The following CASKIN1 variants were observed in gnomAD, a reference collection of about 807,000 sequenced individuals.
CASKIN1 encodes the protein caskin-1.
CASKIN1 carries 42 observed loss-of-function variants against 117.5 expected under a neutral mutation model. The ratio of observed to expected loss-of-function variants is 0.36; its 90% CI spans 0.28 to 0.46. CASKIN1 has a LOEUF of 0.46. CASKIN1 is among the 20% of genes least tolerant of loss of function. The probability of loss-of-function intolerance (pLI) is 1.00; values close to 1 mark genes in which losing one functional copy is unlikely to be tolerated. For synonymous variants in CASKIN1, 1,148 were observed against 961.7 expected, an observed-to-expected ratio of 1.19 and a Z score of -3.59; for missense variants, 2,083 against 2,077.3, an observed-to-expected ratio of 1.00 and a Z score of -0.05.
intron 9 of CASKIN1, 45 bp from the exon 10 acceptor site, chr16:2,186,869 C>T (rs1288290566): frequency 6.2e-7 from 1 of 1,606,968 alleles, no homozygotes. Context: ...CCCCCTTTCG[C>T]AGAGTCTCCT....
intron 1 of CASKIN1, among the ~76,000 whole-genome samples, chr16:2,191,039 C>T (rs775229787): frequency 7.9e-5 from 12 of 152,212 alleles, no homozygotes; most frequent in South Asian, 4.1e-4. Flanking sequence ...TGGGGCCCCC[C>T]GCATCCTGGC....
chr16:2,186,933 GTGCCGCCC>G (rs1194136371), intron 9 of CASKIN1, 37 bp downstream of exon 9: 2 of 1,607,208 alleles, frequency 1.2e-6, no homozygotes, highest in South Asian at 2.2e-5. Flanking sequence ...GCACGCCCAG[GTGCCGCCC>G]CCTCCCTGCT....
intron 6 of CASKIN1, among the ~76,000 whole-genome samples, chr16:2,187,809 C>T (rs1319296652): frequency 2.0e-5 from 3 of 151,666 alleles, no homozygotes; most frequent in Admixed American, 6.6e-5. Flanking sequence ...TTAGTAGAGA[C>T]GGGGTTTCAC....
At chr16:2,186,607 A>G in intron 10 of CASKIN1, 100 bp downstream of exon 10, 2 of 1,044,500 alleles carry the variant, frequency 1.9e-6, no homozygotes, top group East Asian at 2.4e-5. Context: ...GCACCCAGAA[A>G]CCCAGCCCTG....
intron 10 of CASKIN1, 145 bp downstream of exon 10, chr16:2,186,562 G>T (rs2093185307): frequency 3.1e-6 from 2 of 655,662 alleles, no homozygotes; most frequent in Non-Finnish European, 5.3e-6. Context: ...ACGGCCGCTG[G>T]GGCACCCTGA....
chr16:2,196,476 G>A lies in CASKIN1; in HGVS notation c.-44C>T. 1 of 1,028,152 alleles carries A rather than the reference G, an allele frequency of 9.7e-7. No homozygotes were observed. The highest frequency in any genetic ancestry group is 1.2e-6 in the Non-Finnish European group (1 of 845,388). 63.7% of individuals were successfully genotyped at this position (1,028,152 alleles called of 1,614,324 possible). ...GCGACGCGGCTGCGCTCGTGAGCTC[G>A]GCGCGGCTCAGAGGCGGCGGCGGCC... On this transcript the variant is annotated 5_prime_UTR_variant, in exon 1 of 20. Coordinates refer to ENST00000343516, the MANE Select transcript of CASKIN1 (RefSeq NM_020764.4). This position sits in a 1 kb window ranked among gnomAD's most constrained non-coding sequence, Gnocchi z 5.7.
rs778190537 is a variant in CASKIN1, at chr16:2,184,844, A to G, written c.1349T>C (p.Val450Ala). The G allele has an allele frequency of 1.9e-6, 3 of 1,561,752 alleles. No homozygotes were observed. The highest frequency in any genetic ancestry group is 2.3e-5 in the South Asian group (2 of 85,192). ...CCCATAGACCTGCCCGGCGTGGGCCACTGGAGGCTGGGACCGGGCCACACC... is the reference window on the plus strand; with the variant it reads ...CCCATAGACCTGCCCGGCGTGGGCCGCTGGAGGCTGGGACCGGGCCACACC... ...SAGVARSQPP[V>A]AHAGQVYGEQ... The change falls in exon 14 of 20, where the codon GTG (valine) becomes GCG (alanine). Residue 450 changes from valine (V) to alanine (A), a missense_variant. Physicochemically the swap from Val to Ala is moderately conservative, Grantham distance 64. Around this residue, in one of 3 missense-constraint regions of CASKIN1, gnomAD observed 1,818 missense variants for 1,688.9 expected, o/e 1.08. Transcript: ENST00000343516.
chr16:2,178,496 G>C lies in CASKIN1; in HGVS notation c.*54C>G. On this transcript the variant is annotated 3_prime_UTR_variant, in exon 20 of 20. Coordinates refer to ENST00000343516, the MANE Select transcript of CASKIN1 (RefSeq NM_020764.4). The stretch of plus-strand genomic sequence containing the variant: ...CCAGACGCGCCCATCCTGAGGTATA[G>C]GTCAGTGTGCGGGGAGGGCCCGGGC... 1 of 1,419,086 alleles carries C rather than the reference G, an allele frequency of 7.0e-7. No individual in the cohort carries two copies. The highest frequency in any genetic ancestry group is 9.5e-7 in the Non-Finnish European group (1 of 1,056,708). 87.9% of individuals were successfully genotyped at this position (1,419,086 alleles called of 1,614,324 possible). A position where few individuals can be genotyped will look rare whatever the true frequency, so the allele number is the denominator to read the frequency against.
At chr16:2,181,674 G>C in intron 17 of CASKIN1, 75 bp from the exon 18 acceptor site, 1 of 1,465,380 alleles carries the variant, frequency 6.8e-7, no homozygotes, top group South Asian at 1.3e-5. Context: ...GGCGGGGCTG[G>C]GCTGGGCTTG....
At position 2,178,139 on chromosome 16, in the gene CASKIN1, G is replaced by A. The variant is rs1489520938; in HGVS notation, c.*411C>T. On this transcript the variant is annotated 3_prime_UTR_variant, in exon 20 of 20. Transcript: ENST00000343516. The stretch of plus-strand genomic sequence containing the variant: ...TACTCTTGATAGCTTATATTCTGGG[G>A]GTGCGGTGGGGCAGGGGGGCCCTGA... 4.0e-6 allele frequency: 2 copies of A among 497,534 alleles called. No homozygotes were observed. The allele number at this position is 497,534 out of a possible 1,614,324, so 30.8% of individuals were successfully genotyped here.
At chr16:2,181,720 G>T in intron 17 of CASKIN1, 71 bp downstream of exon 17, 2 of 1,546,422 alleles carry the variant, frequency 1.3e-6, no homozygotes, top group Non-Finnish European at 1.7e-6. Context: ...GCTGGGGCTG[G>T]GCTGGTGGCT....
chr16:2,188,022 T>TACAG (rs1484028169), intron 6 of CASKIN1, among the ~76,000 whole-genome samples: 1 of 150,166 alleles, frequency 6.7e-6, no homozygotes, highest in Non-Finnish European at 1.5e-5. Flanking sequence ...TAGCTGGGAT[T>TACAG]ACAGACATGT....
rs759641819 is a variant in CASKIN1, at chr16:2,181,475, G to A, written c.1893C>T (p.Ile631=). ...TGGGCTCAGGCGGGGGCGGCGACTC[G>A]ATGGCCATCACTTCAAGAGACTGGG... ...KAPQSLEVMA[I]ESPPPPEPTP... is the part of the protein sequence containing the mutation. Residue 631 remains isoleucine (I), a synonymous_variant, in exon 18 of 20, where the codon ATC becomes ATT. Coordinates refer to ENST00000343516, the MANE Select transcript of CASKIN1 (RefSeq NM_020764.4). The A allele has an allele frequency of 4.0e-5, 64 of 1,611,468 alleles. No homozygotes were observed. The Admixed American group carries it at 7.8e-4, about 20-fold the overall frequency.
In CASKIN1 at chr16:2,180,668, C is replaced by G; in HGVS notation, c.2700G>C (p.Val900=). The G allele has an allele frequency of 6.6e-7, 1 of 1,521,296 alleles. No homozygotes were observed. Among genetic ancestry groups the G allele is most frequent in the Non-Finnish European group, 8.8e-7 (1 of 1,139,064 alleles). 94.2% of individuals were successfully genotyped at this position (1,521,296 alleles called of 1,614,324 possible). A position where few individuals can be genotyped will look rare whatever the true frequency, so the allele number is the denominator to read the frequency against. The change falls in exon 18 of 20, where the codon GTG becomes GTC. Residue 900 remains valine (V), a synonymous_variant. Coordinates refer to ENST00000343516, the MANE Select transcript of CASKIN1 (RefSeq NM_020764.4). The part of the protein sequence containing the change: ...DSEPERDELL[V]PAAAGPYATV... ...TGGCATAGGGGCCGGCAGCCGCAGGCACCAGCAGCTCGTCCCGCTCCGGCT... is the reference window on the plus strand; with the variant it reads ...TGGCATAGGGGCCGGCAGCCGCAGGGACCAGCAGCTCGTCCCGCTCCGGCT...
At chr16:2,193,850 G>C (rs2093207770) in intron 1 of CASKIN1, among the ~76,000 whole-genome samples, 1 of 152,186 alleles carries the variant, frequency 6.6e-6, no homozygotes, top group Non-Finnish European at 1.5e-5. Flanking sequence ...CCATTCCTGT[G>C]GGGGGACAGT....
intron 10 of CASKIN1, among the ~76,000 whole-genome samples, chr16:2,185,940 CT>C (rs1427857935): frequency 6.6e-6 from 1 of 152,166 alleles, no homozygotes; most frequent in East Asian, 1.9e-4. Context: ...TGGTTTTTTC[CT>C]TTTTTCTTCA....
rs890380760 is a variant in CASKIN1, at chr16:2,177,989, C to T, written c.*561G>A. On this transcript the variant is annotated 3_prime_UTR_variant, in exon 20 of 20. Transcript: ENST00000343516. ...TTTGTCCGGAGCTAGACTTCGTGTC[C>T]TTTCAGTTGGTAAATGGTTTTCTAT... The T allele has an allele frequency of 1.0e-5, 4 of 392,490 alleles. No homozygotes were observed. Among genetic ancestry groups the T allele is most frequent in the African/African-American group, 2.1e-5 (1 of 46,870 alleles). The allele number at this position is 392,490 out of a possible 1,614,324, so 24.3% of individuals were successfully genotyped here.
chr16:2,185,423 A>T lies in CASKIN1; in HGVS notation c.1049-15T>A, dbSNP rs1285213032. The T allele has an allele frequency of 1.3e-6, 2 of 1,586,566 alleles. No individual in the cohort carries two copies. Among genetic ancestry groups the T allele is most frequent in the South Asian group, 2.3e-5 (2 of 87,182 alleles). Reference sequence around the variant, plus strand: ...TGCTCGGGAACCTGTGGGTCAAGCAAAGCCTCCTAAGTCCTGGGCCAGCGA... The same window carrying T: ...TGCTCGGGAACCTGTGGGTCAAGCATAGCCTCCTAAGTCCTGGGCCAGCGA... On this transcript the variant is annotated splice_polypyrimidine_tract_variant and intron_variant, in intron 10 of 19. Coordinates refer to ENST00000343516, the MANE Select transcript of CASKIN1 (RefSeq NM_020764.4).
Position 2,180,652 on chromosome 16 carries a change from G to A in CASKIN1, c.2716C>T (p.Pro906Ser). 1 of 1,533,064 alleles carries A rather than the reference G, an allele frequency of 6.5e-7. No individual in the cohort carries two copies. The highest frequency in any genetic ancestry group is 8.7e-7 in the Non-Finnish European group (1 of 1,145,714). The allele number at this position is 1,533,064 out of a possible 1,614,324, so 95.0% of individuals were successfully genotyped here. A position where few individuals can be genotyped will look rare whatever the true frequency, so the allele number is the denominator to read the frequency against. Residue 906 changes from proline (P) to serine (S), a missense_variant, in exon 18 of 20, where the codon CCC (proline) becomes TCC (serine). By Grantham distance (74) the Pro-to-Ser change is moderately conservative. Coordinates refer to ENST00000343516, the MANE Select transcript of CASKIN1 (RefSeq NM_020764.4). Reference sequence around the variant, plus strand: ...ACGCGCCGCTGGACCGTGGCATAGGGGCCGGCAGCCGCAGGCACCAGCAGC... The same window carrying A: ...ACGCGCCGCTGGACCGTGGCATAGGAGCCGGCAGCCGCAGGCACCAGCAGC... ...DELLVPAAAG[P>S]YATVQRRVGR...
Sources: gnomAD v4.1 joint callset for allele counts (sites outside exome capture counted in the v4.1 genomes callset) on GRCh38, gnomAD v4.1.1 for gene constraint, gnomAD v4.1.1 regional missense constraint, Gnocchi (gnomAD v3.1) non-coding constraint, MANE v1.5 for transcripts, NCBI Gene and HGNC (gene_info 2026-07-23, HGNC 2026-07-21) for gene names.